SUFU: variants seen among roughly 807,000 people sequenced by gnomAD.
SUFU encodes suppressor of fused homolog.
Under a neutral mutation model 58.9 loss-of-function variants are expected in SUFU, and 7 were observed. That is an observed-to-expected ratio of 0.12 (90% CI 0.07 to 0.22). The LOEUF (loss-of-function observed/expected upper bound fraction) is 0.22, where lower values mean the gene tolerates loss of function less well. SUFU is among the 10% of genes least tolerant of loss of function. The pLI, the probability that SUFU is intolerant of heterozygous loss-of-function variation, is 1.00. For missense variants in SUFU, 451 were observed against 641.3 expected (o/e 0.70, Z 3.20); for synonymous variants, 232 against 254.8 (o/e 0.91, Z 0.85).
intron 2 of SUFU, among the ~76,000 whole-genome samples, chr10:102,541,246 T>C (rs1370197462): frequency 6.6e-6 from 1 of 152,154 alleles, no homozygotes; most frequent in African/African-American, 2.4e-5. Flanking sequence ...CAAATAAATG[T>C]TACCCACCTC....
chr10:102,524,177 A>G (rs1309370973), intron 2 of SUFU, among the ~76,000 whole-genome samples: 1 of 151,942 alleles, frequency 6.6e-6, no homozygotes, highest in Non-Finnish European at 1.5e-5. Flanking sequence ...TTAAAAAGTT[A>G]TATATATTTG....
At chr10:102,573,666 A>G (rs1214952601) in intron 3 of SUFU, among the ~76,000 whole-genome samples, 1 of 152,270 alleles carries the variant, frequency 6.6e-6, no homozygotes, top group Non-Finnish European at 1.5e-5. Flanking sequence ...ATTCTGCCAC[A>G]TGCTGCAGGC....
chr10:102,550,150 A>T (rs748551780), intron 3 of SUFU, 44 bp downstream of exon 3: 1 of 1,613,414 alleles, frequency 6.2e-7, no homozygotes, highest in Admixed American at 1.7e-5. Context: ...TTTTGCCATG[A>T]GCCTGGTTGA....
At chr10:102,518,519 G>GTCTGTCTA (rs1554842626) in intron 2 of SUFU, among the ~76,000 whole-genome samples, 164 of 147,228 alleles carry the variant, frequency 1.1e-3, no homozygotes, top group East Asian at 3.5e-3. Flanking sequence ...CTGTCTGTCT[G>GTCTGTCTA]TCTATCTATC....
At position 102,628,163 on chromosome 10, in the gene SUFU, G is replaced by A. The variant is rs1236943731; in HGVS notation, c.1365+920G>A. Among the ~76,000 whole-genome samples, 1 of 152,160 alleles carries A rather than the reference G, an allele frequency of 6.6e-6. No homozygotes were observed. The highest frequency in any genetic ancestry group is 1.5e-5 in the Non-Finnish European group (1 of 68,020). Reference sequence around the variant, plus strand: ...TTCTACCAAGAGGGAGGCCAGGCGGGAGCTAGGTTCCAGCCAGGGCTGGAG... The same window carrying A: ...TTCTACCAAGAGGGAGGCCAGGCGGAAGCTAGGTTCCAGCCAGGGCTGGAG... On this transcript the variant is annotated intron_variant, in intron 11 of 11. Transcript: ENST00000369902. The surrounding 1 kb of genome is among the most constrained non-coding windows in gnomAD (Gnocchi z 4.5).
At chr10:102,517,472 C>A (rs1215435921) in intron 2 of SUFU, among the ~76,000 whole-genome samples, 1 of 152,068 alleles carries the variant, frequency 6.6e-6, no homozygotes, top group African/African-American at 2.4e-5. Flanking sequence ...CGGGATTTTT[C>A]CCTGTTCAGC....
At chr10:102,610,070 G>A (rs542105099) in intron 8 of SUFU, among the ~76,000 whole-genome samples, 19 of 151,948 alleles carry the variant, frequency 1.3e-4, no homozygotes, top group African/African-American at 4.3e-4. Context: ...CAACATCGTC[G>A]TTGCCTTTTT....
Position 102,504,205 on chromosome 10 carries a change from C to G in SUFU, c.53C>G (p.Pro18Arg), listed in dbSNP as rs1489443369. The G allele has an allele frequency of 1.9e-6, 3 of 1,597,864 alleles. No individual in the cohort carries two copies. Among genetic ancestry groups the G allele is most frequent in the African/African-American group, 2.7e-5 (2 of 74,460 alleles). The change falls in exon 1 of 12, where the codon CCT becomes CGT. Residue 18 changes from proline (P) to arginine (R), a missense_variant. Pro to Arg is a moderately radical substitution (Grantham distance 103). Coordinates refer to ENST00000369902, the MANE Select transcript of SUFU (RefSeq NM_016169.4). ...CCCGGCCCCACCGCGCCCCCGGCCC[C>G]TGGCCCGACTGCCCCCCCGGCCTTC... ...GAPGPTAPPA[P>R]GPTAPPAFAS...
At chr10:102,539,304 A>G (rs888039380) in intron 2 of SUFU, among the ~76,000 whole-genome samples, 17 of 152,136 alleles carry the variant, frequency 1.1e-4, no homozygotes, top group African/African-American at 4.1e-4. Flanking sequence ...ATGTTTCCTC[A>G]TGCGTAGGAT....
chr10:102,566,580 T>C (rs2063092151), intron 3 of SUFU, among the ~76,000 whole-genome samples: 1 of 151,852 alleles, frequency 6.6e-6, no homozygotes, highest in South Asian at 2.1e-4. Flanking sequence ...CTGGCCAACA[T>C]AGTGAAACCC....
chr10:102,564,252 T>C (rs994645667), intron 3 of SUFU, among the ~76,000 whole-genome samples: 2 of 152,224 alleles, frequency 1.3e-5, no homozygotes, highest in Admixed American at 1.3e-4. Context: ...ATGTCCCAAA[T>C]GTATGTGGTC....
chr10:102,593,803 C>G, intron 5 of SUFU, 82 bp downstream of exon 5: 1 of 1,483,990 alleles, frequency 6.7e-7, no homozygotes, highest in Non-Finnish European at 9.4e-7. Flanking sequence ...GTGGGGCTCC[C>G]TCTTGCGTTG....
At chr10:102,541,698 T>A (rs2062801931) in intron 2 of SUFU, among the ~76,000 whole-genome samples, 3 of 31,666 alleles carry the variant, frequency 9.5e-5, no homozygotes, top group East Asian at 1.3e-3. Context: ...CGCGCCCGGC[T>A]TTTTTTTTTT....
intron 9 of SUFU, among the ~76,000 whole-genome samples, chr10:102,616,513 C>A (rs1436541894): frequency 6.6e-6 from 1 of 152,192 alleles, no homozygotes; most frequent in African/African-American, 2.4e-5. Flanking sequence ...CAGCCACATC[C>A]TCCCCAGCCA....
At chr10:102,562,944 C>T (rs1811366825) in intron 3 of SUFU, among the ~76,000 whole-genome samples, 1 of 152,150 alleles carries the variant, frequency 6.6e-6, no homozygotes. Context: ...CTTACCTTCT[C>T]TTATTTAACC....
intron 2 of SUFU, among the ~76,000 whole-genome samples, chr10:102,515,525 G>A (rs911254786): frequency 1.3e-5 from 2 of 151,690 alleles, no homozygotes; most frequent in South Asian, 2.1e-4. Flanking sequence ...CATGTTGGCC[G>A]GGCTGGTCTC....
intron 2 of SUFU, among the ~76,000 whole-genome samples, chr10:102,544,874 A>T (rs1184135277): frequency 6.6e-6 from 1 of 152,216 alleles, no homozygotes; most frequent in Non-Finnish European, 1.5e-5. Context: ...TACAATAGGT[A>T]GTCTTTTGTA....
chr10:102,567,605 C>G (rs2063104674), intron 3 of SUFU, among the ~76,000 whole-genome samples: 2 of 152,130 alleles, frequency 1.3e-5, no homozygotes, highest in South Asian at 4.1e-4. Flanking sequence ...AGAGCCCTCT[C>G]TCTGGACAGA....
intron 2 of SUFU, among the ~76,000 whole-genome samples, chr10:102,538,708 A>T (rs1186243018): frequency 6.6e-6 from 1 of 152,154 alleles, no homozygotes; most frequent in African/African-American, 2.4e-5. Context: ...CAGTCAGTGA[A>T]CCTACGTTGA....
Sources: allele counts gnomAD v4.1 joint callset (sites outside exome capture counted in the v4.1 genomes callset), GRCh38; gene constraint gnomAD v4.1.1; non-coding constraint Gnocchi (gnomAD v3.1); transcripts MANE v1.5; gene names NCBI Gene and HGNC (gene_info 2026-07-23, HGNC 2026-07-21).